Variants in BNIP2 observed in about 807,000 individuals in gnomAD.
BNIP2 encodes the protein BCL2 interacting protein 2.
In BNIP2, 36 loss-of-function variants were observed where a neutral mutation model predicts 43.4. The observed-to-expected ratio is 0.83, with a 90% CI of 0.64 to 1.10. The LOEUF is 1.10. Among genes scored for constraint, BNIP2 ranks in the 50% least tolerant of loss-of-function variants. BNIP2 has a pLI of 0.00. For synonymous variants in BNIP2, 146 were observed against 121.0 expected, an observed-to-expected ratio of 1.21 and a Z score of -1.35; for missense variants, 417 against 374.1, an observed-to-expected ratio of 1.11 and a Z score of -0.95.
chr15:59,688,610 C>T (rs770045477), intron 1 of BNIP2: 1 of 1,203,348 alleles, frequency 8.3e-7, no homozygotes, highest in South Asian at 1.3e-5. Flanking sequence ...TCTAGATTCA[C>T]GCGGGGACTC....
chr15:59,670,502 T>C (rs1378194878), intron 7 of BNIP2, among the ~76,000 whole-genome samples: 3 of 152,068 alleles, frequency 2.0e-5, no homozygotes, highest in Non-Finnish European at 4.4e-5. Context: ...TGTAATGAAA[T>C]AGGAAACATA....
rs11427336 is a variant in BNIP2 at position 59,666,828 on chromosome 15, T to TAA, written c.893+2062_893+2063dup. On this transcript the variant is annotated intron_variant, in intron 9 of 9. Transcript: ENST00000607373. ...CATTCTATTTATGGTTAAACACAAG[T>TAA]AAAAAAAAAATCAAGATAAAATAGT... Among the ~76,000 whole-genome samples the TAA allele has an allele frequency of 7.6e-3, 1,141 of 150,572 alleles. 20 individuals carry two copies. Among genetic ancestry groups the TAA allele is most frequent in the African/African-American group, 0.026 (1,087 of 41,108 alleles).
chr15:59,683,563 T>C (rs1339542124), intron 1 of BNIP2, among the ~76,000 whole-genome samples: 2 of 152,192 alleles, frequency 1.3e-5, no homozygotes, highest in African/African-American at 4.8e-5. Flanking sequence ...ACGCCTGTAA[T>C]CCTAGCACTT....
At chr15:59,679,317 TCTTA>T (rs1486253890) in intron 4 of BNIP2, 6 of 282,986 alleles carry the variant, frequency 2.1e-5, no homozygotes, top group African/African-American at 6.8e-5. Flanking sequence ...TTCAAAAGTT[TCTTA>T]CTTGATTGAC....
chr15:59,681,619 G>C (rs887868006), intron 2 of BNIP2, among the ~76,000 whole-genome samples: 11 of 151,942 alleles, frequency 7.2e-5, no homozygotes, highest in Non-Finnish European at 1.5e-4. Flanking sequence ...CTAATTTTTT[G>C]TATTTTTAGT....
chr15:59,677,282 G>A (rs1893365492), intron 5 of BNIP2: 12 of 1,584,618 alleles, frequency 7.6e-6, no homozygotes, highest in Non-Finnish European at 9.5e-6. Context: ...GCTGCCAGGG[G>A]ATCCTGGCAC....
chr15:59,664,176 T>C (rs1892428830), intron 9 of BNIP2, 56 bp from the exon 10 acceptor site: 8 of 1,188,926 alleles, frequency 6.7e-6, no homozygotes, highest in Non-Finnish European at 9.5e-6. Context: ...ATTTTCTTTC[T>C]AAAAATAATG....
At chr15:59,679,820 T>C in intron 3 of BNIP2, 52 bp from the exon 4 acceptor site, 1 of 1,372,826 alleles carries the variant, frequency 7.3e-7, no homozygotes, top group Non-Finnish European at 9.5e-7. Flanking sequence ...GCTTAGATGC[T>C]AAAGTTGAAT....
Position 59,669,288 on chromosome 15 carries a change from C to A in BNIP2, c.782G>T (p.Arg261Ile). 6.4e-7 allele frequency: 1 copy of A among 1,550,428 alleles called. No homozygotes were observed. Among genetic ancestry groups the A allele is most frequent in the South Asian group, 1.3e-5 (1 of 77,550 alleles). The change falls in exon 8 of 10, where the codon AGA (arginine) becomes ATA (isoleucine). Residue 261 changes from arginine (R) to isoleucine (I), a missense_variant. By Grantham distance (97) the Arg-to-Ile change is moderately conservative. Coordinates refer to ENST00000607373, the MANE Select transcript of BNIP2 (RefSeq NM_004330.4). ...WFIRTLLAVT[R>I]PFISSKFSQK... ...TCTCAAAAATTACCTAATAAATGGTCTTGTAACAGCCAGAAGTGTTCTGAT... is the reference window on the plus strand; with the variant it reads ...TCTCAAAAATTACCTAATAAATGGTATTGTAACAGCCAGAAGTGTTCTGAT...
intron 7 of BNIP2, 30 bp from the exon 8 acceptor site, chr15:59,669,392 CAAAG>C (rs1892765186): frequency 2.3e-6 from 3 of 1,328,132 alleles, no homozygotes; most frequent in Non-Finnish European, 3.1e-6. Context: ...CACACACACA[CAAAG>C]AAAATTAAAA....
chr15:59,683,619 C>T (rs1740753347), intron 1 of BNIP2, among the ~76,000 whole-genome samples: 1 of 152,206 alleles, frequency 6.6e-6, no homozygotes, highest in South Asian at 2.1e-4. Context: ...GAGTTCAAAA[C>T]CAGCCTGGCC....
At position 59,668,169 on chromosome 15, in the gene BNIP2, T is replaced by C. The variant is rs562604686; in HGVS notation, c.893+723A>G. 9.2e-5 allele frequency: 107 copies of C among 1,167,160 alleles called. 2 individuals are homozygous for C. In the South Asian group the frequency reaches 1.4e-3, roughly 15 times the overall value. 72.3% of individuals were successfully genotyped at this position (1,167,160 alleles called of 1,614,324 possible). On this transcript the variant is annotated intron_variant, in intron 9 of 9. Transcript: ENST00000607373. ...TAGGGAAGAGTTATTTCAGTAAATA[T>C]ACATGTTATGAAAATGAATAAAAAC...
At position 59,689,298 on chromosome 15, in the gene BNIP2, G is replaced by A. The variant is rs1020831126; in HGVS notation, c.-221C>T. On this transcript the variant is annotated 5_prime_UTR_variant, in exon 1 of 10. Coordinates refer to ENST00000607373, the MANE Select transcript of BNIP2 (RefSeq NM_004330.4). ...CGGCCGCAGCGGTACGGCGTCGGCG[G>A]CAGCAGCTGACCCGGACACAGTGAG... is the stretch of plus-strand genomic sequence containing the variant. The A allele has an allele frequency of 6.5e-6, 10 of 1,546,378 alleles. No individual in the cohort carries two copies. The highest frequency in any genetic ancestry group is 2.0e-5 in the Admixed American group (1 of 50,928).
chr15:59,666,690 CTAAATT>C, intron 9 of BNIP2, among the ~76,000 whole-genome samples: 1 of 152,076 alleles, frequency 6.6e-6, no homozygotes, highest in Non-Finnish European at 1.5e-5. Flanking sequence ...GCCTCTCTAC[CTAAATT>C]TAATTTAAAA....
At position 59,661,848 on chromosome 15, in the gene BNIP2, T is replaced by C. The variant is rs1892292901; in HGVS notation, c.*2221A>G. 6.6e-6 allele frequency: 1 copy of C among 152,252 alleles called. No individual in the cohort carries two copies. The highest frequency in any genetic ancestry group is 6.5e-5 in the Admixed American group (1 of 15,288). 9.4% of individuals were successfully genotyped at this position (152,252 alleles called of 1,614,324 possible). A position where few individuals can be genotyped will look rare whatever the true frequency, so the allele number is the denominator to read the frequency against. ...CCTACTATTATGATCTTAAATCTTA[T>C]AAAACATTTATTGTGGGTACATCTC... is the stretch of plus-strand genomic sequence containing the variant. On this transcript the variant is annotated 3_prime_UTR_variant, in exon 10 of 10. Transcript: ENST00000607373.
chr15:59,674,714 T>TATGTTAG (rs1371642260), intron 5 of BNIP2, among the ~76,000 whole-genome samples: 1 of 152,180 alleles, frequency 6.6e-6, no homozygotes, highest in East Asian at 1.9e-4. Flanking sequence ...GGATTTAAGG[T>TATGTTAG]AGTATGACAT....
chr15:59,687,692 T>C (rs1011369062), intron 1 of BNIP2, among the ~76,000 whole-genome samples: 1 of 152,138 alleles, frequency 6.6e-6, no homozygotes, highest in African/African-American at 2.4e-5. Context: ...TGGTTACATA[T>C]ACTTTCTCTG....
intron 1 of BNIP2, among the ~76,000 whole-genome samples, chr15:59,687,463 T>C (rs1232723837): frequency 6.6e-6 from 1 of 151,960 alleles, no homozygotes; most frequent in Non-Finnish European, 1.5e-5. Context: ...GTGATTCTTG[T>C]GCCTCAGTCT....
At chr15:59,670,836 G>A (rs1892852852) in intron 7 of BNIP2, among the ~76,000 whole-genome samples, 1 of 152,336 alleles carries the variant, frequency 6.6e-6, no homozygotes, top group South Asian at 2.1e-4. Flanking sequence ...CACTTCAGGA[G>A]GCCGAGGCGG....
Sources: gnomAD v4.1 joint callset for allele counts (sites outside exome capture counted in the v4.1 genomes callset) on GRCh38, gnomAD v4.1.1 for gene constraint, MANE v1.5 for transcripts, NCBI Gene and HGNC (gene_info 2026-07-23, HGNC 2026-07-21) for gene names.